MORC4: variants seen among roughly 807,000 people sequenced by gnomAD.
The protein encoded by MORC4 is MORC family CW-type zinc finger protein 4.
A neutral mutation model predicts 65.5 loss-of-function variants in MORC4; 22 were observed. The ratio of observed to expected loss-of-function variants is 0.34; its 90% confidence interval spans 0.24 to 0.48. The LOEUF (loss-of-function observed/expected upper bound fraction) is 0.48. MORC4 is among the 20% of genes least tolerant of loss of function. The probability of loss-of-function intolerance (pLI) is 0.99; values close to 1 mark genes in which losing one functional copy is unlikely to be tolerated. For synonymous variants in MORC4, 267 were observed against 255.8 expected (o/e 1.04, Z -0.42); for missense variants, 624 against 703.0 (o/e 0.89, Z 1.27).
In MORC4 at chrX:106,941,089, C is replaced by A. The variant is rs1353748037; in HGVS notation, c.*390G>T. The A allele has an allele frequency of 2.0e-4, 26 of 127,859 alleles. No homozygotes were observed. Among genetic ancestry groups the A allele is most frequent in the African/African-American group, 3.2e-5 (1 of 31,414 alleles). The allele number at this position is 127,859 out of a possible 1,213,427, so 10.5% of individuals were successfully genotyped here. A position where few individuals can be genotyped will look rare whatever the true frequency, so the allele number is the denominator to read the frequency against. ...CATGAGTTGTACTTGTTAGCTTACC[C>A]CAAAATAATACCTGGTATACCGGAC... On this transcript the variant is annotated 3_prime_UTR_variant, in exon 17 of 17. Transcript: ENST00000355610.
intron 3 of MORC4, 125 bp downstream of exon 3, chrX:106,993,105 T>C: frequency 2.7e-6 from 2 of 728,101 alleles, no homozygotes; most frequent in Non-Finnish European, 2.0e-6. Flanking sequence ...CCCTGGCACA[T>C]AAGAGATGCT....
At chrX:106,994,701 G>C (rs1271149433) in intron 2 of MORC4, among the ~76,000 whole-genome samples, 1 of 111,748 alleles carries the variant, frequency 8.9e-6, no homozygotes, top group Admixed American at 9.5e-5. Context: ...ACTGTAAGCA[G>C]AAAACGTCTT....
intron 13 of MORC4, among the ~76,000 whole-genome samples, chrX:106,956,066 T>TCGG (rs1934098634): frequency 4.5e-5 from 5 of 111,032 alleles, no homozygotes; most frequent in African/African-American, 1.6e-4. Context: ...AAAGCAGGGA[T>TCGG]AGGGGAGGAG....
chrX:106,981,377 A>G lies in MORC4; in HGVS notation c.775T>C (p.Ser259Pro). ...GAATATTCTGTTTCTGGTAGCTCAG[A>G]GGTAACACCGCCAGTCATTTTTTCT... Reference protein sequence around the residue: ...TEEKMTGGVTSELPETEYSLR... With the variant: ...TEEKMTGGVTPELPETEYSLR... Residue 259 changes from serine to proline, a missense_variant, in exon 6 of 17, where the codon TCT (serine) becomes CCT (proline). By Grantham distance (74) the Ser-to-Pro change is moderately conservative (BLOSUM62 -1). Coordinates refer to ENST00000355610, the MANE Select transcript of MORC4 (RefSeq NM_024657.5). 8.3e-7 allele frequency: 1 copy of G among 1,207,531 alleles called. No individual in the cohort carries two copies. Among genetic ancestry groups the G allele is most frequent in the Non-Finnish European group, 1.1e-6 (1 of 893,045 alleles).
rs755886361 is a variant in MORC4 at position 106,994,059 on chromosome X, G to A, written c.176-697C>T. Among the ~76,000 whole-genome samples, 3 of 112,386 alleles carry A rather than the reference G, an allele frequency of 2.7e-5. No individual in the cohort carries two copies. In the Admixed American group the frequency reaches 2.8e-4, roughly 11 times the overall value. On this transcript the variant is annotated intron_variant, in intron 2 of 16. Transcript: ENST00000355610. The stretch of plus-strand genomic sequence containing the variant: ...ATCCTTTCAGGAAATGGAGAACATA[G>A]AATTAAAGTAGAAAAAATACATAGG...
chrX:106,977,936 T>C, intron 8 of MORC4, 144 bp downstream of exon 8: 2 of 638,217 alleles, frequency 3.1e-6, no homozygotes, highest in African/African-American at 2.3e-5. Flanking sequence ...GACAGCTCAC[T>C]GGTAACACAA....
chrX:106,968,224 T>C (rs766934629), intron 9 of MORC4, among the ~76,000 whole-genome samples: 1 of 111,208 alleles, frequency 9.0e-6, no homozygotes, highest in South Asian at 3.8e-4. Flanking sequence ...CTAAGCTTCA[T>C]AAGTGAAGGA....
At chrX:106,982,838 T>C (rs1480933008) in intron 5 of MORC4, among the ~76,000 whole-genome samples, 1 of 112,108 alleles carries the variant, frequency 8.9e-6, no homozygotes, top group Non-Finnish European at 1.9e-5. Context: ...TCAACGCACA[T>C]TAGTATATTA....
intron 8 of MORC4, 54 bp downstream of exon 8, chrX:106,978,026 A>C: frequency 8.4e-7 from 1 of 1,189,457 alleles, no homozygotes; most frequent in South Asian, 1.8e-5. Context: ...CAAATTTTAA[A>C]TTCTCTTCCT....
chrX:106,961,593 G>A (rs1196592751), intron 10 of MORC4, among the ~76,000 whole-genome samples: 1 of 111,635 alleles, frequency 9.0e-6, no homozygotes, highest in Admixed American at 9.5e-5. Flanking sequence ...TCTGTAAAAC[G>A]CACCAATCAG....
chrX:106,979,786 C>T (rs1244214196), intron 7 of MORC4, among the ~76,000 whole-genome samples: 6 of 110,879 alleles, frequency 5.4e-5, no homozygotes, highest in African/African-American at 2.0e-4. Context: ...TATCCTAACA[C>T]AGTAGTTGGC....
intron 2 of MORC4, among the ~76,000 whole-genome samples, chrX:106,996,236 C>G (rs1394965107): frequency 4.0e-5 from 4 of 99,797 alleles, no homozygotes; most frequent in African/African-American, 1.5e-4. Flanking sequence ...TTAACACAGG[C>G]ACTTCAGGAG....
At chrX:106,979,195 T>C (rs1159360607) in intron 7 of MORC4, among the ~76,000 whole-genome samples, 3 of 110,964 alleles carry the variant, frequency 2.7e-5, no homozygotes, top group South Asian at 7.6e-4. Context: ...CTATAACAAA[T>C]GGGTCACATA....
chrX:106,995,013 C>A (rs1215425639), intron 2 of MORC4, among the ~76,000 whole-genome samples: 1 of 111,472 alleles, frequency 9.0e-6, no homozygotes, highest in African/African-American at 3.3e-5. Context: ...AAAATCTATT[C>A]TTCTAGCTAT....
chrX:106,981,594 T>C, intron 5 of MORC4, 117 bp from the exon 6 acceptor site: 1 of 602,411 alleles, frequency 1.7e-6, no homozygotes, highest in Non-Finnish European at 2.5e-6. Context: ...TATCTGTTTC[T>C]TTCCCTGACT....
At chrX:106,975,029 G>A (rs1934595049) in intron 9 of MORC4, among the ~76,000 whole-genome samples, 1 of 111,158 alleles carries the variant, frequency 9.0e-6, no homozygotes. Flanking sequence ...TAAATCTACT[G>A]TCTACAGACT....
intron 3 of MORC4, among the ~76,000 whole-genome samples, chrX:106,987,100 G>C (rs1352869283): frequency 3.6e-5 from 4 of 111,748 alleles, no homozygotes; most frequent in African/African-American, 6.5e-5. Context: ...AATAGAGTTT[G>C]GCAAATGAGT....
chrX:106,944,908 C>CA (rs1314366332), intron 14 of MORC4, among the ~76,000 whole-genome samples: 3 of 111,506 alleles, frequency 2.7e-5, no homozygotes, highest in African/African-American at 9.8e-5. Context: ...CTCTTACCTC[C>CA]AGATCACTGT....
intron 3 of MORC4, among the ~76,000 whole-genome samples, chrX:106,990,722 A>T: frequency 8.9e-6 from 1 of 111,796 alleles, no homozygotes; most frequent in South Asian, 3.8e-4. Flanking sequence ...AAATACAAAA[A>T]TTAGCTGGGC....
Sources: allele counts gnomAD v4.1 joint callset (sites outside exome capture counted in the v4.1 genomes callset), GRCh38; gene constraint gnomAD v4.1.1; transcripts MANE v1.5; gene names NCBI Gene and HGNC (gene_info 2026-07-23, HGNC 2026-07-21).